The following TMEM9B variants were observed in gnomAD, a reference collection of about 807,000 sequenced individuals.
The protein encoded by TMEM9B is transmembrane protein 9B.
A neutral mutation model predicts 23.5 loss-of-function variants in TMEM9B; 8 were observed. The observed-to-expected ratio is 0.34, with a 90% CI of 0.20 to 0.61. The LOEUF (loss-of-function observed/expected upper bound fraction) is 0.61. Among genes scored for constraint, TMEM9B ranks in the 20% least tolerant of loss-of-function variants. TMEM9B has a pLI of 0.78. For missense variants in TMEM9B, 197 were observed against 252.3 expected (o/e 0.78, Z 1.49); for synonymous variants, 106 against 96.3 (o/e 1.10, Z -0.59).
intron 3 of TMEM9B, 28 bp from the exon 4 acceptor site, chr11:8,953,365 T>A (rs1853917948): frequency 6.2e-7 from 1 of 1,609,228 alleles, no homozygotes; most frequent in African/African-American, 1.3e-5. Context: ...TTAAGTTACA[T>A]CTTTGTTCAA....
At position 8,964,282 on chromosome 11, in the gene TMEM9B, A is replaced by C. The variant is rs756916889; in HGVS notation, c.32T>G (p.Leu11Arg). Residue 11 changes from leucine (L) to arginine (R), a missense_variant, in exon 1 of 5, where the codon CTT becomes CGT. Leu to Arg is a moderately radical substitution (Grantham distance 102). Around this residue, in one of 2 missense-constraint regions of TMEM9B, gnomAD observed 56 missense variants for 38.2 expected, o/e 1.46. Coordinates refer to ENST00000534025, the MANE Select transcript of TMEM9B (RefSeq NM_020644.3). MATLWGGLLR[L>R]GSLLSLSCLA... is the part of the protein sequence containing the mutation. ...GCACGACAGGCTGAGCAAGGAGCCA[A>C]GCCGAAGAAGGCCTCCCCACAGGGT... 4 of 1,593,670 alleles carry C rather than the reference A, an allele frequency of 2.5e-6. No individual in the cohort carries two copies. Among genetic ancestry groups the C allele is most frequent in the Non-Finnish European group, 3.4e-6 (4 of 1,170,858 alleles).
At chr11:8,963,732 C>G (rs1379175302) in intron 1 of TMEM9B, among the ~76,000 whole-genome samples, 1 of 152,150 alleles carries the variant, frequency 6.6e-6, no homozygotes, top group Non-Finnish European at 1.5e-5. Flanking sequence ...CAGGGGTGAG[C>G]TGAGCTGAGT....
intron 2 of TMEM9B, 99 bp downstream of exon 2, chr11:8,961,993 T>C: frequency 1.3e-6 from 1 of 796,632 alleles, no homozygotes. Flanking sequence ...TCAAATGAAA[T>C]ACTTAAAAAG....
intron 4 of TMEM9B, among the ~76,000 whole-genome samples, chr11:8,952,010 GA>G (rs1853885210): frequency 6.6e-6 from 1 of 152,052 alleles, no homozygotes; most frequent in Non-Finnish European, 1.5e-5. Flanking sequence ...CTGGGAGGCT[GA>G]GGCAGGAGAA....
At chr11:8,963,575 C>G (rs1159122257) in intron 1 of TMEM9B, among the ~76,000 whole-genome samples, 1 of 152,174 alleles carries the variant, frequency 6.6e-6, no homozygotes. Context: ...ACTAAATTAT[C>G]AGGAAGAGAG....
At position 8,954,308 on chromosome 11, in the gene TMEM9B, A is replaced by AT. The variant is rs34709671; in HGVS notation, c.307-972dup. On this transcript the variant is annotated intron_variant, in intron 3 of 4. Transcript: ENST00000534025. ...TGGGAATGTTCTGAAACTGGATTTT[A>AT]TTTTTTTTTTTTTGAGACAGAGTCT... is the stretch of plus-strand genomic sequence containing the variant. 1.1e-3 allele frequency among the ~76,000 whole-genome samples: 158 copies of AT among 148,258 alleles called. 3 individuals are homozygous for AT. In the East Asian group the frequency reaches 0.011, roughly 10 times the overall value.
upstream of TMEM9B, chr11:8,964,607 C>T: frequency 5.1e-6 from 3 of 591,486 alleles, no homozygotes; most frequent in Non-Finnish European, 7.7e-6. Context: ...AGCCTGGGCC[C>T]AGTAGAGCTT....
intron 4 of TMEM9B, among the ~76,000 whole-genome samples, chr11:8,951,467 T>G (rs1242159024): frequency 6.6e-6 from 1 of 151,912 alleles, no homozygotes; most frequent in African/African-American, 2.4e-5. Context: ...GAATGGAAAA[T>G]TCAGCTGGGT....
chr11:8,947,861 T>G lies in TMEM9B; in HGVS notation c.*459A>C, dbSNP rs1853798490. 6.3e-6 allele frequency: 1 copy of G among 158,084 alleles called. No homozygotes were observed. Among genetic ancestry groups the G allele is most frequent in the South Asian group, 1.8e-4 (1 of 5,458 alleles). The allele number at this position is 158,084 out of a possible 1,614,324, so 9.8% of individuals were successfully genotyped here. On this transcript the variant is annotated 3_prime_UTR_variant, in exon 5 of 5. Coordinates refer to ENST00000534025, the MANE Select transcript of TMEM9B (RefSeq NM_020644.3). ...ACTCGAAAATAGAAGGTAAGGTCTA[T>G]TTACAAAAGTTTGTTTAGTAAAGTG... is the stretch of plus-strand genomic sequence containing the variant.
At chr11:8,964,520 G>T, upstream of TMEM9B, 3 of 1,386,790 alleles carry the variant, frequency 2.2e-6, no homozygotes, top group Non-Finnish European at 2.8e-6. Flanking sequence ...AGTGCGAAGG[G>T]CCGGGAGGCT....
chr11:8,958,460 CA>C (rs965076803), intron 2 of TMEM9B, among the ~76,000 whole-genome samples: 80 of 130,502 alleles, frequency 6.1e-4, no homozygotes, highest in Admixed American at 9.4e-4. Flanking sequence ...GACTCTGTCT[CA>C]AAAAAAAAAA....
chr11:8,950,995 G>C (rs745717563), intron 4 of TMEM9B, among the ~76,000 whole-genome samples: 1 of 152,122 alleles, frequency 6.6e-6, no homozygotes, highest in African/African-American at 2.4e-5. Context: ...AAACCTCTCT[G>C]CCTAGAATCA....
chr11:8,964,494 C>T, upstream of TMEM9B: 1 of 1,414,908 alleles, frequency 7.1e-7, no homozygotes, highest in South Asian at 1.5e-5. Flanking sequence ...AAGCATCCGC[C>T]CCGGAACCGG....
At chr11:8,958,014 C>T (rs1188495517) in intron 2 of TMEM9B, among the ~76,000 whole-genome samples, 1 of 151,574 alleles carries the variant, frequency 6.6e-6, no homozygotes, top group Non-Finnish European at 1.5e-5. Context: ...AAAAAATTAG[C>T]CAGGCATGGT....
intron 3 of TMEM9B, among the ~76,000 whole-genome samples, chr11:8,954,435 C>T (rs1487355432): frequency 9.2e-5 from 14 of 151,858 alleles, no homozygotes; most frequent in Admixed American, 7.2e-4. Flanking sequence ...ACTACAGGTG[C>T]GTGCCACCAC....
chr11:8,949,916 C>T (rs1334320502), intron 4 of TMEM9B, among the ~76,000 whole-genome samples: 1 of 142,608 alleles, frequency 7.0e-6, no homozygotes, highest in Non-Finnish European at 1.5e-5. Context: ...GAAATAGGGT[C>T]TACCCATGTT....
chr11:8,949,999 A>C (rs768172465), intron 4 of TMEM9B, among the ~76,000 whole-genome samples: 26 of 151,976 alleles, frequency 1.7e-4, no homozygotes, highest in Non-Finnish European at 2.2e-4. Context: ...CCTGGCCTCA[A>C]GTGATCCTCC....
chr11:8,953,811 A>G (rs185913470), intron 3 of TMEM9B, among the ~76,000 whole-genome samples: 1 of 152,380 alleles, frequency 6.6e-6, no homozygotes, highest in East Asian at 1.9e-4. Context: ...ATGGAGAAAC[A>G]GCCCTCATAC....
intron 4 of TMEM9B, among the ~76,000 whole-genome samples, chr11:8,948,868 G>A (rs1052038718): frequency 2.6e-5 from 4 of 152,188 alleles, no homozygotes; most frequent in Non-Finnish European, 5.9e-5. Flanking sequence ...GGAAAGTAGG[G>A]TCTTTCCTTG....
Sources: allele counts gnomAD v4.1 joint callset (sites outside exome capture counted in the v4.1 genomes callset), GRCh38; gene constraint gnomAD v4.1.1; regional missense constraint gnomAD v4.1.1; transcripts MANE v1.5; gene names NCBI Gene and HGNC (gene_info 2026-07-23, HGNC 2026-07-21).